Variants in ARHGAP26 observed in about 807,000 individuals in gnomAD.
The protein encoded by ARHGAP26 is Rho GTPase activating protein 26, also known as rho GTPase-activating protein 26.
A neutral mutation model predicts 104.8 loss-of-function variants in ARHGAP26; 38 were observed. The observed-to-expected ratio is 0.36, with a 90% CI of 0.28 to 0.48. ARHGAP26 has a LOEUF of 0.48. ARHGAP26 is among the 20% of genes least tolerant of loss of function. ARHGAP26 has a pLI of 0.99. For synonymous variants in ARHGAP26, 341 were observed against 340.0 expected (o/e 1.00, Z -0.03); for missense variants, 704 against 947.9 (o/e 0.74, Z 3.38).
intron 5 of ARHGAP26, among the ~76,000 whole-genome samples, chr5:142,890,183 T>TATATATATATATAG (rs1758441522): frequency 8.9e-6 from 1 of 112,642 alleles, no homozygotes; most frequent in Non-Finnish European, 1.9e-5. Context: ...TATATATATA[T>TATATATATATATAG]ATATATATAT....
intron 14 of ARHGAP26, among the ~76,000 whole-genome samples, chr5:143,043,433 C>T (rs941672142): frequency 6.6e-6 from 1 of 152,028 alleles, no homozygotes; most frequent in Non-Finnish European, 1.5e-5. Flanking sequence ...TGCACTTTGT[C>T]GAACCATTCA....
At chr5:143,116,260 G>A (rs533494581) in intron 17 of ARHGAP26, among the ~76,000 whole-genome samples, 2 of 152,306 alleles carry the variant, frequency 1.3e-5, no homozygotes, top group African/African-American at 4.8e-5. Flanking sequence ...GTAAGCCTAA[G>A]TTCCTGTTTA....
At chr5:143,162,522 A>G (rs1014444664) in intron 20 of ARHGAP26, among the ~76,000 whole-genome samples, 1 of 152,232 alleles carries the variant, frequency 6.6e-6, no homozygotes, top group Non-Finnish European at 1.5e-5. Context: ...AGTGATGGCC[A>G]TGGCCAAGGT....
chr5:143,002,637 C>G (rs1258529554), intron 11 of ARHGAP26, among the ~76,000 whole-genome samples: 1 of 152,234 alleles, frequency 6.6e-6, no homozygotes, highest in East Asian at 1.9e-4. Context: ...ATCTACTTAA[C>G]TGTCATGCAC....
intron 17 of ARHGAP26, among the ~76,000 whole-genome samples, chr5:143,094,329 G>T (rs1219850139): frequency 6.6e-6 from 1 of 152,194 alleles, no homozygotes; most frequent in South Asian, 2.1e-4. Flanking sequence ...CTTTAAGCTA[G>T]GTTGCTGGTC....
intron 1 of ARHGAP26, among the ~76,000 whole-genome samples, chr5:142,779,821 C>A (rs751176620): frequency 6.6e-5 from 10 of 152,142 alleles, no homozygotes; most frequent in Admixed American, 4.6e-4. Flanking sequence ...TTCCTGACTG[C>A]GTATCTCGTT....
chr5:142,897,122 G>A (rs1342941704), intron 6 of ARHGAP26, among the ~76,000 whole-genome samples: 3 of 152,186 alleles, frequency 2.0e-5, no homozygotes, highest in African/African-American at 7.2e-5. Context: ...CAAGATGTGT[G>A]TAGTAGAGAG....
intron 1 of ARHGAP26, among the ~76,000 whole-genome samples, chr5:142,837,114 T>A (rs1349936846): frequency 6.6e-6 from 1 of 152,244 alleles, no homozygotes; most frequent in African/African-American, 2.4e-5. Context: ...TTCTTCACCT[T>A]ATCCTCTTTC....
At chr5:143,049,869 G>A (rs1784749109) in intron 14 of ARHGAP26, among the ~76,000 whole-genome samples, 1 of 152,168 alleles carries the variant, frequency 6.6e-6, no homozygotes, top group South Asian at 2.1e-4. Context: ...GCATGCTGTG[G>A]TTCTTCCCTT....
intron 1 of ARHGAP26, among the ~76,000 whole-genome samples, chr5:142,860,894 T>G (rs1753199521): frequency 6.6e-6 from 1 of 152,148 alleles, no homozygotes; most frequent in African/African-American, 2.4e-5. Context: ...CTCTCAAACT[T>G]CAGCATGGAT....
intron 18 of ARHGAP26, among the ~76,000 whole-genome samples, chr5:143,123,497 C>T (rs1181347849): frequency 1.3e-5 from 2 of 152,174 alleles, no homozygotes; most frequent in Non-Finnish European, 2.9e-5. Flanking sequence ...TAACTTTAAC[C>T]ATCAAATCCA....
chr5:142,805,334 G>A lies in ARHGAP26; in HGVS notation c.154+34419G>A, dbSNP rs376647719. On this transcript the variant is annotated intron_variant, in intron 1 of 22. Coordinates refer to ENST00000645722, the MANE Select transcript of ARHGAP26 (RefSeq NM_001135608.3). ...TCAGGCTGTTCTCGAAGTCCTGACC[G>A]CAGGTGAACCACCCGTCTTTGCCTC... Among the ~76,000 whole-genome samples, 27 of 152,170 alleles carry A rather than the reference G, an allele frequency of 1.8e-4. No homozygotes were observed. The South Asian group carries it at 4.1e-3, about 23-fold the overall frequency.
At chr5:142,846,326 C>T (rs1161735564) in intron 1 of ARHGAP26, among the ~76,000 whole-genome samples, 3 of 152,094 alleles carry the variant, frequency 2.0e-5, no homozygotes, top group Non-Finnish European at 2.9e-5. Flanking sequence ...GTATATGTGT[C>T]GGGTGAGGAG....
At chr5:143,150,833 TAGG>T (rs1562513105) in intron 20 of ARHGAP26, among the ~76,000 whole-genome samples, 1 of 152,178 alleles carries the variant, frequency 6.6e-6, no homozygotes, top group African/African-American at 2.4e-5. Context: ...GAAGATAACA[TAGG>T]AGAAAACCTA....
chr5:143,145,677 C>T (rs373693201), intron 19 of ARHGAP26, among the ~76,000 whole-genome samples: 2 of 152,040 alleles, frequency 1.3e-5, no homozygotes, highest in South Asian at 4.2e-4. Context: ...TGTTCAAAAA[C>T]GAAGCTCTTA....
chr5:143,014,328 T>C, intron 12 of ARHGAP26: 1 of 602,680 alleles, frequency 1.7e-6, no homozygotes, highest in Non-Finnish European at 3.0e-6. Flanking sequence ...TGTAGTGTAG[T>C]GACACCTTGC....
In ARHGAP26 at chr5:143,069,361, A is replaced by C. The variant is rs535686723; in HGVS notation, c.1538+11614A>C. ...TGCACTGCTCAATAAATATTTGTTGAATAAGTGAATGAGTGGAAAATATCC... is the reference window on the plus strand; with the variant it reads ...TGCACTGCTCAATAAATATTTGTTGCATAAGTGAATGAGTGGAAAATATCC... On this transcript the variant is annotated intron_variant, in intron 17 of 22. Coordinates refer to ENST00000645722, the MANE Select transcript of ARHGAP26 (RefSeq NM_001135608.3). Among the ~76,000 whole-genome samples the C allele has an allele frequency of 2.0e-5, 3 of 151,766 alleles. No homozygotes were observed. In the East Asian group the frequency reaches 5.8e-4, roughly 29 times the overall value.
chr5:143,168,725 G>C (rs148942315), intron 20 of ARHGAP26: 2 of 152,046 alleles, frequency 1.3e-5, no homozygotes, highest in Admixed American at 1.3e-4. Context: ...ATCTCTAGGA[G>C]ATTAGCTCTA....
In ARHGAP26 at chr5:143,157,671, G is replaced by A. The variant is rs929911256; in HGVS notation, c.1988+10290G>A. ...TAAATCGACATTCTACTTTTGAGGG[G>A]GGAAAATGTATTTCTCATAATGGAT... On this transcript the variant is annotated intron_variant, in intron 20 of 22. Transcript: ENST00000645722. 3.3e-5 allele frequency among the ~76,000 whole-genome samples: 5 copies of A among 152,156 alleles called. No homozygotes were observed. In the South Asian group the frequency reaches 6.2e-4, roughly 19 times the overall value.
Sources: gnomAD v4.1 joint callset for allele counts (sites outside exome capture counted in the v4.1 genomes callset) on GRCh38, gnomAD v4.1.1 for gene constraint, MANE v1.5 for transcripts, NCBI Gene and HGNC (gene_info 2026-07-23, HGNC 2026-07-21) for gene names.